The following CTCF variants were observed in gnomAD, a reference collection of about 807,000 sequenced individuals.
CTCF encodes the protein CCCTC-binding factor.
A neutral mutation model predicts 72.3 loss-of-function variants in CTCF; 7 were observed. The observed-to-expected ratio is 0.10, with a 90% confidence interval of 0.06 to 0.18. The LOEUF is 0.18. Among genes scored for constraint, CTCF ranks in the 10% least tolerant of loss-of-function variants. The pLI is 1.00. For synonymous variants in CTCF, 374 were observed against 315.8 expected, an observed-to-expected ratio of 1.18 and a Z score of -1.95; for missense variants, 516 against 949.1, an observed-to-expected ratio of 0.54 and a Z score of 6.00.
At chr16:67,570,017 A>G (rs1390411050) in intron 1 of CTCF, among the ~76,000 whole-genome samples, 4 of 151,970 alleles carry the variant, frequency 2.6e-5, no homozygotes, top group South Asian at 2.1e-4. Context: ...TAAGACCACT[A>G]CTTGCTAAAG....
At chr16:67,587,895 T>G (rs925684297) in intron 2 of CTCF, among the ~76,000 whole-genome samples, 1 of 152,080 alleles carries the variant, frequency 6.6e-6, no homozygotes, top group Non-Finnish European at 1.5e-5. Context: ...TGAGACAGAG[T>G]CACCCAGGCT....
At chr16:67,574,650 CTTT>C (rs1162960134) in intron 2 of CTCF, among the ~76,000 whole-genome samples, 1 of 96,966 alleles carries the variant, frequency 1.0e-5, no homozygotes. Context: ...CCAAAAGCAT[CTTT>C]TTTTTTTTTT....
intron 2 of CTCF, among the ~76,000 whole-genome samples, chr16:67,605,657 G>A (rs2142805759): frequency 6.6e-6 from 1 of 152,294 alleles, no homozygotes; most frequent in Admixed American, 6.5e-5. Flanking sequence ...CACCCAACTG[G>A]GAAAATAGAT....
chr16:67,593,351 C>G (rs2051771213), intron 2 of CTCF, among the ~76,000 whole-genome samples: 1 of 151,806 alleles, frequency 6.6e-6, no homozygotes, highest in Non-Finnish European at 1.5e-5. Context: ...CCGTTTTCTC[C>G]CTCCCCCTCC....
In CTCF at chr16:67,636,748, T is replaced by C; in HGVS notation, c.1896T>C (p.Ile632=). ...ATGAGGAGGAGCCTGCCGTAGAAAT[T>C]GAACCTGAGCCAGAGCCTCAGCCTG... The part of the protein sequence containing the change: ...NEDEEEPAVE[I]EPEPEPQPVT... The change falls in exon 11 of 12, where the codon ATT becomes ATC. Residue 632 remains isoleucine, a synonymous_variant. Transcript: ENST00000264010. The C allele has an allele frequency of 6.2e-7, 1 of 1,609,318 alleles. No individual in the cohort carries two copies. The highest frequency in any genetic ancestry group is 8.5e-7 in the Non-Finnish European group (1 of 1,177,878).
At chr16:67,572,634 G>A (rs1325515959) in intron 2 of CTCF, 2 of 152,076 alleles carry the variant, frequency 1.3e-5, no homozygotes, top group Non-Finnish European at 2.9e-5. Flanking sequence ...GGCCAGGCAC[G>A]GTAGCTCACA....
chr16:67,563,445 C>G (rs2051304762), intron 1 of CTCF: 1 of 152,186 alleles, frequency 6.6e-6, no homozygotes, highest in Admixed American at 6.5e-5. Context: ...GCCGAGAGCT[C>G]CCTCTGCAAG....
chr16:67,605,042 G>A (rs1480604128), intron 2 of CTCF, among the ~76,000 whole-genome samples: 1 of 130,758 alleles, frequency 7.6e-6, no homozygotes, highest in Non-Finnish European at 1.5e-5. Flanking sequence ...GCGCAATCTC[G>A]GCTCATGGCA....
chr16:67,584,299 A>G (rs1184588244), intron 2 of CTCF, among the ~76,000 whole-genome samples: 1 of 144,464 alleles, frequency 6.9e-6, no homozygotes, highest in African/African-American at 2.6e-5. Context: ...TCCAGCCTGG[A>G]TGACGAACGG....
chr16:67,637,118 G>T (rs1440396942), intron 11 of CTCF, among the ~76,000 whole-genome samples: 1 of 152,142 alleles, frequency 6.6e-6, no homozygotes, highest in Admixed American at 6.6e-5. Context: ...TAATGTGGGC[G>T]GGTTTTGAAA....
intron 10 of CTCF, 25 bp downstream of exon 10, chr16:67,629,558 C>T (rs2052334861): frequency 4.3e-6 from 7 of 1,609,798 alleles, no homozygotes; most frequent in Non-Finnish European, 5.9e-6. Context: ...CCTTGATTTG[C>T]TTACTATGGC....
At chr16:67,616,289 C>G (rs951839845) in intron 4 of CTCF, 1 of 155,598 alleles carries the variant, frequency 6.4e-6, no homozygotes, top group Non-Finnish European at 1.4e-5. Flanking sequence ...ATATGGACAG[C>G]CCAATGGCCC....
chr16:67,574,490 C>T (rs1364392631), intron 2 of CTCF, among the ~76,000 whole-genome samples: 1 of 151,356 alleles, frequency 6.6e-6, no homozygotes, highest in African/African-American at 2.4e-5. Flanking sequence ...TACAGGCGTT[C>T]ACCCCCACGC....
At position 67,617,606 on chromosome 16, in the gene CTCF, C is replaced by T. The variant is rs527671022; in HGVS notation, c.1086+728C>T. Among the ~76,000 whole-genome samples the T allele has an allele frequency of 9.5e-4, 145 of 152,162 alleles. 1 individual carries two copies. Among genetic ancestry groups the T allele is most frequent in the Non-Finnish European group, 1.6e-3 (107 of 67,992 alleles). Reference sequence around the variant, plus strand: ...CTGAGGCAGGAGAATCACTTGAACCCGGGAGGTGGAGGTTGCAGTGAGCCG... The same window carrying T: ...CTGAGGCAGGAGAATCACTTGAACCTGGGAGGTGGAGGTTGCAGTGAGCCG... On this transcript the variant is annotated intron_variant, in intron 5 of 11. Coordinates refer to ENST00000264010, the MANE Select transcript of CTCF (RefSeq NM_006565.4).
At chr16:67,570,587 G>T (rs143533938) in intron 1 of CTCF, among the ~76,000 whole-genome samples, 1 of 150,904 alleles carries the variant, frequency 6.6e-6, no homozygotes, top group East Asian at 1.9e-4. Context: ...TACTACAGGC[G>T]CCTGCCACCA....
chr16:67,583,610 C>T (rs2051620054), intron 2 of CTCF, among the ~76,000 whole-genome samples: 1 of 151,908 alleles, frequency 6.6e-6, no homozygotes, highest in South Asian at 2.1e-4. Flanking sequence ...TCACTTGAAC[C>T]TGGAAGGTGG....
intron 2 of CTCF, among the ~76,000 whole-genome samples, chr16:67,604,730 G>GTTTTTTTTTTTTTTT (rs533827293): frequency 2.3e-4 from 29 of 123,722 alleles, no homozygotes; most frequent in South Asian, 5.0e-4. Context: ...TTTCACCAGG[G>GTTTTTTTTTTTTTTT]TTTTTTTTTT....
chr16:67,636,901 G>C (rs771024968), intron 11 of CTCF, 50 bp downstream of exon 11: 8 of 1,419,020 alleles, frequency 5.6e-6, no homozygotes, highest in East Asian at 5.3e-5. Context: ...CCGAGCATGT[G>C]GGGGAGCCAG....
chr16:67,571,398 T>C (rs2051417664), intron 2 of CTCF, 134 bp downstream of exon 2: 1 of 152,440 alleles, frequency 6.6e-6, no homozygotes, highest in African/African-American at 2.4e-5. Context: ...ACAGGCTTCA[T>C]AATCAGAGTC....
Sources: allele counts gnomAD v4.1 joint callset (sites outside exome capture counted in the v4.1 genomes callset), GRCh38; gene constraint gnomAD v4.1.1; transcripts MANE v1.5; gene names NCBI Gene and HGNC (gene_info 2026-07-23, HGNC 2026-07-21).